Variants in FAM151B observed in about 807,000 individuals in gnomAD.
FAM151B encodes the protein protein FAM151B.
FAM151B carries 24 observed loss-of-function variants against 31.2 expected under a neutral mutation model. The observed-to-expected ratio is 0.77, with a 90% CI of 0.56 to 1.08. The LOEUF is 1.08. Among genes scored for constraint, FAM151B ranks in the 50% least tolerant of loss-of-function variants. FAM151B has a pLI of 0.00. For missense variants in FAM151B, 293 were observed against 328.6 expected (o/e 0.89, Z 0.84); for synonymous variants, 105 against 111.4 (o/e 0.94, Z 0.36).
chr5:80,493,616 A>C lies in FAM151B; in HGVS notation c.25+5468A>C, dbSNP rs1743398734. 1.3e-5 allele frequency among the ~76,000 whole-genome samples: 2 copies of C among 152,192 alleles called. 1 individual carries two copies. Among genetic ancestry groups the C allele is most frequent in the South Asian group, 4.1e-4 (2 of 4,834 alleles). ...GCATTCCTGGGGGAAGTCTATAGAC[A>C]GCTGCTCTGGGAGTGTCTGTCTTAT... On this transcript the variant is annotated intron_variant, in intron 1 of 5. Transcript: ENST00000282226.
At chr5:80,523,427 T>C (rs917300701) in intron 5 of FAM151B, among the ~76,000 whole-genome samples, 2 of 152,290 alleles carry the variant, frequency 1.3e-5, no homozygotes, top group African/African-American at 2.4e-5. Flanking sequence ...ATCAATAATT[T>C]CCTTGGAGAG....
chr5:80,533,954 G>A (rs954871369), intron 5 of FAM151B, among the ~76,000 whole-genome samples: 2 of 152,048 alleles, frequency 1.3e-5, no homozygotes, highest in Admixed American at 6.6e-5. Context: ...GAAATCCAGA[G>A]AATTATTAGT....
chr5:80,501,200 G>A, intron 1 of FAM151B: 3 of 282,026 alleles, frequency 1.1e-5, no homozygotes, highest in South Asian at 8.3e-5. Context: ...TTTTATTTTT[G>A]TTAGAGACAG....
intron 1 of FAM151B, chr5:80,500,822 A>G: frequency 6.8e-7 from 1 of 1,471,090 alleles, no homozygotes; most frequent in Admixed American, 1.7e-5. Context: ...ATCAATAAGA[A>G]GCGAATTGCT....
At chr5:80,498,129 C>T (rs977487541) in intron 1 of FAM151B, among the ~76,000 whole-genome samples, 5 of 152,204 alleles carry the variant, frequency 3.3e-5, no homozygotes, top group Admixed American at 6.5e-5. Flanking sequence ...TAATTATTTT[C>T]CTATTGTTGG....
chr5:80,492,943 G>A (rs940465029), intron 1 of FAM151B, among the ~76,000 whole-genome samples: 6 of 152,142 alleles, frequency 3.9e-5, no homozygotes, highest in African/African-American at 1.2e-4. Flanking sequence ...AACAGAGTGA[G>A]ACTTGTCTCT....
At position 80,539,481 on chromosome 5, in the gene FAM151B, G is replaced by A. The variant is rs531202366; in HGVS notation, c.672-2192G>A. Among the ~76,000 whole-genome samples the A allele has an allele frequency of 9.9e-5, 15 of 151,588 alleles. 1 individual carries two copies. In the South Asian group the frequency reaches 3.1e-3, roughly 32 times the overall value. ...GTTTTTTTACTTTTTGTTTTGTTTT[G>A]TTTTGTTCTTGTTTTTGTTTCCTTT... is the stretch of plus-strand genomic sequence containing the variant. On this transcript the variant is annotated intron_variant, in intron 5 of 5. Transcript: ENST00000282226.
chr5:80,504,514 C>CTTTTTTTTT (rs11340979), intron 2 of FAM151B, among the ~76,000 whole-genome samples: 1 of 58,716 alleles, frequency 1.7e-5, no homozygotes, highest in African/African-American at 6.8e-5. Context: ...GACTATTACT[C>CTTTTTTTTT]TTTTTTTTTT....
intron 1 of FAM151B, among the ~76,000 whole-genome samples, chr5:80,499,525 AGT>A (rs917560525): frequency 2.6e-5 from 4 of 152,130 alleles, no homozygotes; most frequent in African/African-American, 9.7e-5. Context: ...AAAACAATTA[AGT>A]GTGTAAAACT....
At chr5:80,538,552 CCTTCCTTCCTTCCTTCCT>C (rs1468291997) in intron 5 of FAM151B, among the ~76,000 whole-genome samples, 2 of 133,428 alleles carry the variant, frequency 1.5e-5, no homozygotes, top group African/African-American at 3.0e-5. Flanking sequence ...TTCCTTCCTT[CCTTCCTTCCTTCCTTCCT>C]TCCCTCCCTT....
chr5:80,522,225 T>C (rs2112646079), intron 5 of FAM151B, 87 bp downstream of exon 5: 2 of 1,359,094 alleles, frequency 1.5e-6, no homozygotes, highest in Non-Finnish European at 2.0e-6. Flanking sequence ...TTAAAGACAG[T>C]GTGTGTGAGA....
chr5:80,497,836 T>A (rs1743600971), intron 1 of FAM151B, among the ~76,000 whole-genome samples: 1 of 151,624 alleles, frequency 6.6e-6, no homozygotes, highest in Admixed American at 6.6e-5. Flanking sequence ...GAGATATACC[T>A]AATGTAAATG....
At chr5:80,500,315 C>T (rs1561361855) in intron 1 of FAM151B, 6 of 806,960 alleles carry the variant, frequency 7.4e-6, no homozygotes, top group Non-Finnish European at 1.3e-5. Context: ...CAAGTTGCCT[C>T]TTTTTCCGGC....
intron 1 of FAM151B, among the ~76,000 whole-genome samples, chr5:80,494,516 CT>C: frequency 7.9e-6 from 1 of 126,618 alleles, no homozygotes; most frequent in African/African-American, 3.1e-5. Context: ...TTCTTTCTTT[CT>C]TTCTTTCTTT....
chr5:80,491,469 C>T (rs532589869), intron 1 of FAM151B, among the ~76,000 whole-genome samples: 8 of 152,220 alleles, frequency 5.3e-5, no homozygotes, highest in Middle Eastern at 3.4e-3. Flanking sequence ...GCAGTCCTTC[C>T]GCCTCAGCCT....
Position 80,518,571 on chromosome 5 carries a change from C to A in FAM151B, c.318-1122C>A, listed in dbSNP as rs773266532. On this transcript the variant is annotated intron_variant, in intron 3 of 5. Transcript: ENST00000282226. ...GAGTCCAGCATTAAGGTTTATTAATCCACTAAAATCTAGGCCCTCCCCAAT... is the reference window on the plus strand; with the variant it reads ...GAGTCCAGCATTAAGGTTTATTAATACACTAAAATCTAGGCCCTCCCCAAT... 1.7e-4 allele frequency among the ~76,000 whole-genome samples: 26 copies of A among 152,238 alleles called. No homozygotes were observed. The Middle Eastern group carries it at 0.01, about 60-fold the overall frequency.
rs144887722 is a variant in FAM151B, at chr5:80,506,480, A to T, written c.151+4563A>T. On this transcript the variant is annotated intron_variant, in intron 2 of 5. Coordinates refer to ENST00000282226, the MANE Select transcript of FAM151B (RefSeq NM_205548.3). ...CCTGGACTTTTAGTTATTTGAGATG[A>T]TAAATCTACTAGCTTGAATCTGAAT... is the stretch of plus-strand genomic sequence containing the variant. Among the ~76,000 whole-genome samples, 34 of 152,314 alleles carry T rather than the reference A, an allele frequency of 2.2e-4. No homozygotes were observed. In the East Asian group the frequency reaches 6.0e-3, roughly 27 times the overall value.
chr5:80,504,675 A>G (rs796242400), intron 2 of FAM151B, among the ~76,000 whole-genome samples: 1 of 151,888 alleles, frequency 6.6e-6, no homozygotes. Context: ...ATGTGCCACC[A>G]TGCCCAGCTA....
At chr5:80,503,456 C>G (rs1258094885) in intron 2 of FAM151B, among the ~76,000 whole-genome samples, 1 of 152,014 alleles carries the variant, frequency 6.6e-6, no homozygotes, top group Non-Finnish European at 1.5e-5. Flanking sequence ...GTAGTCACAG[C>G]TACTCAGGAA....
Sources: gnomAD v4.1 joint callset for allele counts (sites outside exome capture counted in the v4.1 genomes callset) on GRCh38, gnomAD v4.1.1 for gene constraint, MANE v1.5 for transcripts, NCBI Gene and HGNC (gene_info 2026-07-23, HGNC 2026-07-21) for gene names.